RIMKLB: variants seen among roughly 807,000 people sequenced by gnomAD.
RIMKLB encodes the protein beta-citrylglutamate synthase B.
Under a neutral mutation model 32.0 loss-of-function variants are expected in RIMKLB, and 7 were observed. That is an observed-to-expected ratio of 0.22 (90% CI 0.12 to 0.41). The LOEUF is 0.41. Among genes scored for constraint, RIMKLB ranks in the 10% least tolerant of loss-of-function variants. The pLI is 1.00. For missense variants in RIMKLB, 289 were observed against 498.7 expected, an observed-to-expected ratio of 0.58 and a Z score of 4.00; for synonymous variants, 172 against 185.1, an observed-to-expected ratio of 0.93 and a Z score of 0.57.
chr12:8,777,626 A>C (rs1297225185), downstream of RIMKLB: 1 of 1,288,082 alleles, frequency 7.8e-7, no homozygotes, highest in East Asian at 5.6e-5. Context: ...ACAAACAAAC[A>C]AAAAAATACC....
upstream of RIMKLB, among the ~76,000 whole-genome samples, chr12:8,677,679 C>T (rs1001637168): frequency 6.6e-6 from 1 of 152,086 alleles, no homozygotes. Flanking sequence ...GCATGACATA[C>T]ATAGCTATTC....
chr12:8,689,426 A>G (rs1435314860), intron 1 of RIMKLB, among the ~76,000 whole-genome samples: 1 of 152,314 alleles, frequency 6.6e-6, no homozygotes, highest in Non-Finnish European at 1.5e-5. Flanking sequence ...AACCATTACA[A>G]TCTCTCTTTC....
chr12:8,707,008 AAG>A (rs1377469848), intron 1 of RIMKLB, among the ~76,000 whole-genome samples: 2 of 152,178 alleles, frequency 1.3e-5, no homozygotes, highest in African/African-American at 4.8e-5. Flanking sequence ...GTCACAGAAA[AAG>A]AGGCTTGATA....
At chr12:8,704,822 A>G (rs1943706238) in intron 1 of RIMKLB, among the ~76,000 whole-genome samples, 1 of 150,548 alleles carries the variant, frequency 6.6e-6, no homozygotes, top group South Asian at 2.1e-4. Flanking sequence ...TGCCTCTAAA[A>G]GAAGAGGAAA....
intron 2 of RIMKLB, among the ~76,000 whole-genome samples, chr12:8,737,295 G>A (rs146390161): frequency 1.7e-3 from 256 of 147,546 alleles, no homozygotes; most frequent in African/African-American, 6.3e-3. Flanking sequence ...TTTTTGTAGA[G>A]TACAAGTGAG....
chr12:8,686,486 T>C lies in RIMKLB; in HGVS notation n.219+4668T>C, dbSNP rs186641594. ...TTTTTTTTTTTTTTATTCAGGGTTT[T>C]CTTTCGTTTTTGAGACGGAGTCTCG... On this transcript the variant is annotated intron_variant and non_coding_transcript_variant, in intron 1 of 1. Transcript: ENST00000538758. Among the ~76,000 whole-genome samples, 925 of 151,796 alleles carry C rather than the reference T, an allele frequency of 6.1e-3. 28 individuals are homozygous for C. Among genetic ancestry groups the C allele is most frequent in the Admixed American group, 0.045 (693 of 15,246 alleles).
At chr12:8,764,140 C>T (rs997266415) in intron 5 of RIMKLB, among the ~76,000 whole-genome samples, 1 of 152,110 alleles carries the variant, frequency 6.6e-6, no homozygotes, top group African/African-American at 2.4e-5. Flanking sequence ...TTTACTAGGC[C>T]TTGGGCTTTA....
intron 2 of RIMKLB, among the ~76,000 whole-genome samples, chr12:8,716,592 TTTAA>T (rs1304264649): frequency 6.7e-6 from 1 of 150,266 alleles, no homozygotes; most frequent in Non-Finnish European, 1.5e-5. Context: ...AGAGTGAAGT[TTTAA>T]TTAATAGTAA....
At chr12:8,687,903 G>A (rs1942623721) in intron 1 of RIMKLB, among the ~76,000 whole-genome samples, 1 of 151,966 alleles carries the variant, frequency 6.6e-6, no homozygotes. Context: ...TTGGGAGAGT[G>A]ATGGATGGCA....
At chr12:8,701,750 A>C (rs1020433856) in intron 1 of RIMKLB, among the ~76,000 whole-genome samples, 1 of 151,652 alleles carries the variant, frequency 6.6e-6, no homozygotes, top group African/African-American at 2.4e-5. Flanking sequence ...CACACCTGTA[A>C]TCCCAGCACT....
At chr12:8,740,694 T>C (rs1947423331) in intron 2 of RIMKLB, among the ~76,000 whole-genome samples, 1 of 152,256 alleles carries the variant, frequency 6.6e-6, no homozygotes, top group Admixed American at 6.5e-5. Flanking sequence ...ATGTCTACTT[T>C]TGCTGTTTTC....
At position 8,774,526 on chromosome 12, in the gene RIMKLB, TGTTA is replaced by T; in HGVS notation, c.*745_*748del. The T allele has an allele frequency of 1.0e-6, 1 of 983,024 alleles. No homozygotes were observed. The highest frequency in any genetic ancestry group is 1.2e-6 in the Non-Finnish European group (1 of 827,408). The allele number at this position is 983,024 out of a possible 1,614,324, so 60.9% of individuals were successfully genotyped here. A position where few individuals can be genotyped will look rare whatever the true frequency, so the allele number is the denominator to read the frequency against. On this transcript the variant is annotated 3_prime_UTR_variant, in exon 6 of 6. Coordinates refer to ENST00000535829, the MANE Select transcript of RIMKLB (RefSeq NM_001297776.2). Reference sequence around the variant, plus strand: ...TAAAATATGTGCATTCACTTGTATTTGTTAGTGTTTTAGTCTTTTTTGAAAGATG... The same window carrying T: ...TAAAATATGTGCATTCACTTGTATTTGTGTTTTAGTCTTTTTTGAAAGATG...
At chr12:8,673,716 C>T in the RIMKLB span, among the ~76,000 whole-genome samples, 2 of 151,978 alleles carry the variant, frequency 1.3e-5, no homozygotes, top group Non-Finnish European at 2.9e-5. Flanking sequence ...CTACCTTAGC[C>T]TCCCCAGTAG....
At chr12:8,747,107 C>T (rs74059997) in intron 2 of RIMKLB, among the ~76,000 whole-genome samples, 3,177 of 152,160 alleles carry the variant, frequency 0.021, 109 homozygotes, top group African/African-American at 0.072. Context: ...ATGGAAAATG[C>T]TTCTGGTCCC....
At position 8,725,220 on chromosome 12, in the gene RIMKLB, A is replaced by G. The variant is rs1945864704; in HGVS notation, c.175+11179A>G. On this transcript the variant is annotated intron_variant, in intron 2 of 5. Transcript: ENST00000535829. Reference sequence around the variant, plus strand: ...ACTTTTCTGAAAACTCCATGTGTAGACTGTGTGCTAGTTACAATTTTCTCT... The same window carrying G: ...ACTTTTCTGAAAACTCCATGTGTAGGCTGTGTGCTAGTTACAATTTTCTCT... Among the ~76,000 whole-genome samples the G allele has an allele frequency of 2.6e-5, 4 of 152,070 alleles. No homozygotes were observed. The South Asian group carries it at 8.3e-4, about 32-fold the overall frequency.
At chr12:8,701,925 T>TA (rs1003626312) in intron 1 of RIMKLB, among the ~76,000 whole-genome samples, 6 of 151,670 alleles carry the variant, frequency 4.0e-5, no homozygotes, top group Admixed American at 3.3e-4. Context: ...AGAATTGCAT[T>TA]AACCCTGGAG....
At chr12:8,741,330 A>T (rs1198850530) in intron 2 of RIMKLB, among the ~76,000 whole-genome samples, 1 of 151,436 alleles carries the variant, frequency 6.6e-6, no homozygotes, top group Non-Finnish European at 1.5e-5. Flanking sequence ...GTGAGCCGAG[A>T]TCGCACCACT....
In RIMKLB at chr12:8,698,743, G is replaced by C. The variant is rs1272773612; in HGVS notation, c.-57+446G>C. On this transcript the variant is annotated intron_variant, in intron 1 of 5. Coordinates refer to ENST00000535829, the MANE Select transcript of RIMKLB (RefSeq NM_001297776.2). ...CCCACAAATTCTATGGAGCGACCGCGGGAGGAGGATCACGTGGTGCGGTCC... is the reference window on the plus strand; with the variant it reads ...CCCACAAATTCTATGGAGCGACCGCCGGAGGAGGATCACGTGGTGCGGTCC... Among the ~76,000 whole-genome samples the C allele has an allele frequency of 2.7e-5, 4 of 150,044 alleles. No individual in the cohort carries two copies. The East Asian group carries it at 7.8e-4, about 29-fold the overall frequency.
the RIMKLB span, among the ~76,000 whole-genome samples, chr12:8,673,177 T>G: frequency 6.6e-6 from 1 of 152,040 alleles, no homozygotes; most frequent in South Asian, 2.1e-4. Flanking sequence ...CCACCATGCC[T>G]GGCCTCTGAC....
Sources: gnomAD v4.1 joint callset for allele counts (sites outside exome capture counted in the v4.1 genomes callset) on GRCh38, gnomAD v4.1.1 for gene constraint, MANE v1.5 for transcripts, NCBI Gene and HGNC (gene_info 2026-07-23, HGNC 2026-07-21) for gene names.